Variants in ITGB6 observed in about 807,000 individuals in gnomAD.
ITGB6 encodes the protein integrin beta-6.
Under a neutral mutation model 84.5 loss-of-function variants are expected in ITGB6, and 80 were observed. The observed-to-expected ratio is 0.95, with a 90% CI of 0.79 to 1.14. The LOEUF is 1.14. Among genes scored for constraint, ITGB6 ranks in the 50% most tolerant of loss-of-function variants. ITGB6 has a pLI of 0.00. For missense variants in ITGB6, 1,006 were observed against 968.0 expected (o/e 1.04, Z -0.52); for synonymous variants, 383 against 354.9 (o/e 1.08, Z -0.89).
chr2:160,122,876 T>A (rs1574054517), intron 12 of ITGB6, among the ~76,000 whole-genome samples: 2 of 152,336 alleles, frequency 1.3e-5, no homozygotes, highest in South Asian at 4.1e-4. Flanking sequence ...AAGAGACACA[T>A]CCTGGAGGGT....
At position 160,196,289 on chromosome 2, in the gene ITGB6, A is replaced by G; in HGVS notation, c.273T>C (p.Ser91=). ...QVEILKNKPL[S]VGRQKNSSDI... ...CAGAACTATTTTTCTGTCTGCCTAC[A>G]CTGAGAGGCTTATTTTTAAGTATTT... The change falls in exon 3 of 15, where the codon AGT becomes AGC. Residue 91 remains serine (S), a synonymous_variant. Coordinates refer to ENST00000283249, the MANE Select transcript of ITGB6 (RefSeq NM_000888.5). The G allele has an allele frequency of 6.2e-7, 1 of 1,614,070 alleles. No homozygotes were observed. Among genetic ancestry groups the G allele is most frequent in the African/African-American group, 1.3e-5 (1 of 75,032 alleles).
intron 7 of ITGB6, among the ~76,000 whole-genome samples, chr2:160,157,581 T>C (rs539448446): frequency 2.6e-5 from 4 of 152,266 alleles, no homozygotes; most frequent in Non-Finnish European, 4.4e-5. Context: ...TATGTCTATA[T>C]ATGAACTTAC....
intron 14 of ITGB6, among the ~76,000 whole-genome samples, chr2:160,103,534 A>G (rs1696799044): frequency 6.6e-6 from 1 of 152,160 alleles, no homozygotes; most frequent in African/African-American, 2.4e-5. Flanking sequence ...GGACCTCCAG[A>G]TCTTATCTAG....
intron 2 of ITGB6, among the ~76,000 whole-genome samples, chr2:160,196,999 C>A (rs559646220): frequency 6.6e-6 from 1 of 152,244 alleles, no homozygotes; most frequent in East Asian, 1.9e-4. Flanking sequence ...TTGTATGCAT[C>A]GGTCTGTTAC....
chr2:160,136,389 A>C (rs1017871282), intron 10 of ITGB6, among the ~76,000 whole-genome samples: 2 of 152,112 alleles, frequency 1.3e-5, no homozygotes, highest in Admixed American at 1.3e-4. Context: ...ATCATTAAAA[A>C]GTCAGGAAAC....
intron 2 of ITGB6, among the ~76,000 whole-genome samples, chr2:160,198,322 G>A (rs1019391487): frequency 7.9e-5 from 12 of 152,120 alleles, no homozygotes; most frequent in Non-Finnish European, 1.8e-4. Flanking sequence ...CACTGAACTC[G>A]GAGTTTGGGT....
intron 4 of ITGB6, among the ~76,000 whole-genome samples, chr2:160,182,816 G>A (rs1488481401): frequency 6.6e-6 from 1 of 152,220 alleles, no homozygotes; most frequent in African/African-American, 2.4e-5. Flanking sequence ...CTACAAGCCA[G>A]AGGAGAGTAG....
intron 7 of ITGB6, among the ~76,000 whole-genome samples, chr2:160,168,030 A>G (rs1685068241): frequency 1.3e-5 from 2 of 152,210 alleles, no homozygotes; most frequent in Non-Finnish European, 2.9e-5. Flanking sequence ...ACCACTGGAA[A>G]CAAATATCAC....
chr2:160,143,085 C>A (rs115063350), intron 7 of ITGB6, among the ~76,000 whole-genome samples: 7,875 of 152,098 alleles, frequency 0.052, 269 homozygotes, highest in Non-Finnish European at 0.077. Flanking sequence ...CTCAGGAGTT[C>A]GAGACCAGCC....
intron 12 of ITGB6, among the ~76,000 whole-genome samples, chr2:160,122,845 G>A (rs968742404): frequency 7.2e-5 from 11 of 152,120 alleles, no homozygotes; most frequent in South Asian, 2.1e-4. Context: ...ATTAATTTCC[G>A]TATTCTAATT....
chr2:160,119,986 A>G (rs1173663497), intron 12 of ITGB6, among the ~76,000 whole-genome samples: 1 of 152,000 alleles, frequency 6.6e-6, no homozygotes, highest in Admixed American at 6.5e-5. Context: ...CACACCAGTT[A>G]GAATGGCAAT....
chr2:160,162,136 T>C (rs1684841710), intron 7 of ITGB6, among the ~76,000 whole-genome samples: 1 of 152,198 alleles, frequency 6.6e-6, no homozygotes, highest in African/African-American at 2.4e-5. Context: ...ATAAATTCTC[T>C]ATAAATGGCA....
rs1443386360 is a variant in ITGB6, at chr2:160,101,355, T to C, written c.*381A>G. On this transcript the variant is annotated 3_prime_UTR_variant, in exon 15 of 15. Transcript: ENST00000283249. ...GGCAAGTATAGACACACAATGTGAG[T>C]ATATGGGCTTTGTGACTTTGCCGAG... 1.6e-5 allele frequency: 4 copies of C among 244,066 alleles called. No individual in the cohort carries two copies. The highest frequency in any genetic ancestry group is 3.1e-5 in the Non-Finnish European group (4 of 127,570). The allele number at this position is 244,066 out of a possible 1,614,324, so 15.1% of individuals were successfully genotyped here.
chr2:160,175,327 A>G (rs1685376755), intron 4 of ITGB6, among the ~76,000 whole-genome samples: 1 of 152,028 alleles, frequency 6.6e-6, no homozygotes, highest in Non-Finnish European at 1.5e-5. Flanking sequence ...TTTATTTGTT[A>G]CTCCCTAATT....
chr2:160,114,792 C>T (rs1431012751), intron 12 of ITGB6, among the ~76,000 whole-genome samples: 1 of 152,184 alleles, frequency 6.6e-6, no homozygotes, highest in African/African-American at 2.4e-5. Flanking sequence ...AAAATCGGGT[C>T]ACTCCCACCC....
At chr2:160,179,390 CTTT>C (rs71297445) in intron 4 of ITGB6, among the ~76,000 whole-genome samples, 1 of 131,168 alleles carries the variant, frequency 7.6e-6, no homozygotes. Context: ...TTTTCTTTTT[CTTT>C]TTTTTTTTTT....
intron 7 of ITGB6, among the ~76,000 whole-genome samples, chr2:160,152,294 A>G (rs1403345538): frequency 3.9e-5 from 6 of 152,238 alleles, no homozygotes; most frequent in Non-Finnish European, 8.8e-5. Context: ...CTGGTTCAAC[A>G]TATGCAAATC....
chr2:160,158,644 G>A (rs1023176104), intron 7 of ITGB6, among the ~76,000 whole-genome samples: 48 of 152,290 alleles, frequency 3.2e-4, no homozygotes, highest in Admixed American at 2.4e-3. Flanking sequence ...CCAAACGGCA[G>A]GTAATAAAAC....
At chr2:160,169,806 C>G (rs371646719) in intron 6 of ITGB6, among the ~76,000 whole-genome samples, 1 of 152,270 alleles carries the variant, frequency 6.6e-6, no homozygotes, top group African/African-American at 2.4e-5. Flanking sequence ...ATGACATTCC[C>G]GTACTAATCC....
Sources: gnomAD v4.1 joint callset for allele counts (sites outside exome capture counted in the v4.1 genomes callset) on GRCh38, gnomAD v4.1.1 for gene constraint, MANE v1.5 for transcripts, NCBI Gene and HGNC (gene_info 2026-07-23, HGNC 2026-07-21) for gene names.